ME2: variants seen among roughly 807,000 people sequenced by gnomAD.
The protein encoded by ME2 is NAD-dependent malic enzyme, mitochondrial.
A neutral mutation model predicts 73.7 loss-of-function variants in ME2; 60 were observed. That is an observed-to-expected ratio of 0.81 (90% CI 0.66 to 1.01). ME2 has a LOEUF of 1.01. Ranked by LOEUF, ME2 falls within the 50% of genes least tolerant of loss-of-function variation. The pLI is 0.00. For synonymous variants in ME2, 199 were observed against 236.9 expected (o/e 0.84, Z 1.47); for missense variants, 594 against 705.5 (o/e 0.84, Z 1.79).
At position 50,917,339 on chromosome 18, in the gene ME2, T is replaced by C. The variant is rs1917308384; in HGVS notation, c.469-8T>C. On this transcript the variant is annotated splice_region_variant and splice_polypyrimidine_tract_variant and intron_variant, in intron 5 of 15. Coordinates refer to ENST00000321341, the MANE Select transcript of ME2 (RefSeq NM_002396.5). ...ACAACTTTTAATTTGCATTTTTTTGTGATTAAGGCTGTTGTAGTGACTGAT... is the reference window on the plus strand; with the variant it reads ...ACAACTTTTAATTTGCATTTTTTTGCGATTAAGGCTGTTGTAGTGACTGAT... 1.9e-6 allele frequency: 3 copies of C among 1,593,008 alleles called. No homozygotes were observed. The East Asian group carries it at 6.7e-5, about 36-fold the overall frequency.
intron 15 of ME2, among the ~76,000 whole-genome samples, chr18:50,941,023 C>T (rs569989146): frequency 1.3e-5 from 2 of 151,830 alleles, no homozygotes; most frequent in East Asian, 1.9e-4. Context: ...TTTGGGAGGC[C>T]GAAGCAGGTG....
intron 15 of ME2, among the ~76,000 whole-genome samples, chr18:50,940,866 A>G (rs1268686403): frequency 1.3e-5 from 2 of 152,200 alleles, no homozygotes; most frequent in Admixed American, 1.3e-4. Context: ...GTATGTGATC[A>G]TTAATGCTGC....
intron 1 of ME2, among the ~76,000 whole-genome samples, chr18:50,891,883 G>A (rs981232210): frequency 4.7e-5 from 7 of 150,444 alleles, no homozygotes; most frequent in Admixed American, 3.3e-4. Context: ...GCACAGTCTC[G>A]GCTCACTGCA....
At chr18:50,909,538 G>C (rs16952681) in intron 3 of ME2, among the ~76,000 whole-genome samples, 1 of 152,100 alleles carries the variant, frequency 6.6e-6, no homozygotes, top group African/African-American at 2.4e-5. Flanking sequence ...TAGAGGGATC[G>C]GTCTGCATAT....
chr18:50,925,876 A>G lies in ME2; in HGVS notation c.1292A>G (p.Glu431Gly). Residue 431 changes from glutamate to glycine, a missense_variant, in exon 12 of 16, where the codon GAA (glutamate) becomes GGA (glycine). Glu to Gly is a moderately conservative substitution (Grantham distance 98). Transcript: ENST00000321341. ...ACAGCACAGGCAGAGTGCACGGCTG[A>G]AGAAGCATATACACTTACAGAGGTA... ...NPTAQAECTA[E>G]EAYTLTEGRC... The G allele has an allele frequency of 6.2e-7, 1 of 1,609,858 alleles. No homozygotes were observed.
At chr18:50,924,353 G>T (rs1917498570) in intron 11 of ME2, 141 bp downstream of exon 11, 2 of 585,382 alleles carry the variant, frequency 3.4e-6, no homozygotes, top group Non-Finnish European at 6.0e-6. Context: ...ATAACTTTTT[G>T]GTTACCATGC....
chr18:50,921,031 A>G, intron 9 of ME2, 43 bp from the exon 10 acceptor site: 1 of 944,330 alleles, frequency 1.1e-6, no homozygotes, highest in Non-Finnish European at 1.6e-6. Context: ...CAAGCATTGC[A>G]TCGTACTCTA....
At chr18:50,918,623 A>G (rs1029878137) in intron 7 of ME2, among the ~76,000 whole-genome samples, 22 of 150,554 alleles carry the variant, frequency 1.5e-4, no homozygotes, top group Non-Finnish European at 2.2e-4. Flanking sequence ...AGGTTTTCCC[A>G]CTTCTATGTC....
chr18:50,944,311 A>G (rs1195625139), intron 15 of ME2, among the ~76,000 whole-genome samples: 5 of 152,206 alleles, frequency 3.3e-5, no homozygotes, highest in East Asian at 1.9e-4. Flanking sequence ...TAGTATAGCA[A>G]CAGAGGCCCA....
chr18:50,885,618 T>C (rs1916443566), intron 1 of ME2, among the ~76,000 whole-genome samples: 1 of 152,148 alleles, frequency 6.6e-6, no homozygotes, highest in Non-Finnish European at 1.5e-5. Flanking sequence ...CCAATTTTGT[T>C]AATAATACTT....
At chr18:50,904,709 C>T (rs1480849695) in intron 2 of ME2, among the ~76,000 whole-genome samples, 2 of 152,116 alleles carry the variant, frequency 1.3e-5, no homozygotes, top group South Asian at 2.1e-4. Context: ...TGAGCCACTG[C>T]GCCTGGCCGA....
chr18:50,933,827 T>C (rs1405728534), intron 13 of ME2: 3 of 152,150 alleles, frequency 2.0e-5, no homozygotes, highest in African/African-American at 7.2e-5. Context: ...CCCTCTACCC[T>C]TAAGTAGGCC....
chr18:50,894,184 G>A (rs1266044810), intron 1 of ME2, among the ~76,000 whole-genome samples: 3 of 152,202 alleles, frequency 2.0e-5, no homozygotes, highest in Non-Finnish European at 2.9e-5. Context: ...AAGTGGTATG[G>A]GAGGCAGAAA....
chr18:50,916,222 C>G lies in ME2; in HGVS notation c.447C>G (p.Asn149Lys). 1 of 1,612,502 alleles carries G rather than the reference C, an allele frequency of 6.2e-7. No individual in the cohort carries two copies. The highest frequency in any genetic ancestry group is 8.5e-7 in the Non-Finnish European group (1 of 1,179,114). The stretch of plus-strand genomic sequence containing the variant: ...GTCATGTTAGATCAATTGTGGATAA[C>G]TGGCCAGAAAATCATGTTAAGGTAC... The part of the protein sequence containing the change: ...DRGHVRSIVD[N>K]WPENHVKAVV... Residue 149 changes from asparagine (N) to lysine (K), a missense_variant, in exon 5 of 16, where the codon AAC becomes AAG. Physicochemically the swap from Asn to Lys is moderately conservative, Grantham distance 94 (BLOSUM62 0). Transcript: ENST00000321341.
intron 1 of ME2, among the ~76,000 whole-genome samples, chr18:50,885,761 A>G (rs1180399827): frequency 6.6e-6 from 1 of 152,144 alleles, no homozygotes; most frequent in Non-Finnish European, 1.5e-5. Flanking sequence ...AGAAACATGT[A>G]TATATAATTT....
chr18:50,949,870 A>G lies in ME2; in HGVS notation c.*2686A>G, dbSNP rs1004646132. On this transcript the variant is annotated 3_prime_UTR_variant, in exon 16 of 16. Transcript: ENST00000321341. ...ATTATTGGATGTAAATTAAAGTAAAATTGCTTAATATTTAAGCTAAGAATA... is the reference window on the plus strand; with the variant it reads ...ATTATTGGATGTAAATTAAAGTAAAGTTGCTTAATATTTAAGCTAAGAATA... 6.6e-6 allele frequency: 1 copy of G among 152,230 alleles called. No individual in the cohort carries two copies. Among genetic ancestry groups the G allele is most frequent in the Non-Finnish European group, 1.5e-5 (1 of 68,038 alleles). The allele number at this position is 152,230 out of a possible 1,614,324, so 9.4% of individuals were successfully genotyped here.
chr18:50,911,700 C>T (rs1281238974), intron 3 of ME2, among the ~76,000 whole-genome samples: 1 of 152,026 alleles, frequency 6.6e-6, no homozygotes, highest in African/African-American at 2.4e-5. Context: ...CGCAGCAAGT[C>T]CAGGTTGAGT....
At chr18:50,886,021 TTTC>T (rs1259999897) in intron 1 of ME2, among the ~76,000 whole-genome samples, 1 of 152,158 alleles carries the variant, frequency 6.6e-6, no homozygotes, top group African/African-American at 2.4e-5. Context: ...TCTACCACTG[TTTC>T]TTCTTTTAGA....
At chr18:50,939,772 T>C (rs557928818) in intron 14 of ME2, 132 bp downstream of exon 14, 23 of 635,166 alleles carry the variant, frequency 3.6e-5, no homozygotes, top group Non-Finnish European at 5.9e-5. Context: ...AAATTACTTT[T>C]ATGATTTGCC....
Sources: allele counts gnomAD v4.1 joint callset (sites outside exome capture counted in the v4.1 genomes callset), GRCh38; gene constraint gnomAD v4.1.1; transcripts MANE v1.5; gene names NCBI Gene and HGNC (gene_info 2026-07-23, HGNC 2026-07-21).